MTOR: variants seen among roughly 807,000 people sequenced by gnomAD.
MTOR encodes the protein mechanistic target of rapamycin kinase, also known as serine/threonine-protein kinase mTOR.
In MTOR, 70 loss-of-function variants were observed where a neutral mutation model predicts 319.8. The ratio of observed to expected loss-of-function variants is 0.22; its 90% CI spans 0.18 to 0.27. The LOEUF is 0.27. Among genes scored for constraint, MTOR ranks in the 10% least tolerant of loss-of-function variants. MTOR has a pLI of 1.00. For synonymous variants in MTOR, 1,183 were observed against 1,211.4 expected (o/e 0.98, Z 0.49); for missense variants, 1,890 against 3,274.4 (o/e 0.58, Z 10.32).
At chr1:11,178,421 TA>T (rs1413811366) in intron 28 of MTOR, among the ~76,000 whole-genome samples, 1 of 152,172 alleles carries the variant, frequency 6.6e-6, no homozygotes, top group East Asian at 1.9e-4. Context: ...AGGCGTGTTG[TA>T]AAAATGATGA....
chr1:11,253,097 G>A (rs1034596251), intron 6 of MTOR, among the ~76,000 whole-genome samples: 3 of 152,166 alleles, frequency 2.0e-5, no homozygotes, highest in African/African-American at 7.2e-5. Flanking sequence ...CGGTGGCCCT[G>A]CAGAGTAGGC....
chr1:11,111,257 T>C, intron 54 of MTOR: 1 of 421,838 alleles, frequency 2.4e-6, no homozygotes, highest in South Asian at 1.7e-5. Flanking sequence ...GGCGGGCAGA[T>C]CACTTGAGGT....
rs1557755105 is a variant in MTOR, at chr1:11,128,984, T to A, written c.5715-33A>T. On this transcript the variant is annotated intron_variant, in intron 40 of 57. Coordinates refer to ENST00000361445, the MANE Select transcript of MTOR (RefSeq NM_004958.4). This position sits in a 1 kb window ranked among gnomAD's most constrained non-coding sequence, Gnocchi z 5.3. ...AGAAATGAGAAAGTCACAGAAAATTTAGTTTCCCAGTTTTTGCCTGCCTGT... is the reference window on the plus strand; with the variant it reads ...AGAAATGAGAAAGTCACAGAAAATTAAGTTTCCCAGTTTTTGCCTGCCTGT... 3 of 1,588,340 alleles carry A rather than the reference T, an allele frequency of 1.9e-6. No homozygotes were observed. The highest frequency in any genetic ancestry group is 1.3e-5 in the African/African-American group (1 of 74,608).
intron 36 of MTOR, 69 bp downstream of exon 36, chr1:11,139,235 G>C: frequency 6.5e-7 from 1 of 1,528,474 alleles, no homozygotes; most frequent in Non-Finnish European, 8.8e-7. Flanking sequence ...CCTTAAAGAG[G>C]CAGAGCGAAG....
chr1:11,141,235 C>T (rs1258320578), intron 34 of MTOR, among the ~76,000 whole-genome samples: 4 of 152,122 alleles, frequency 2.6e-5, no homozygotes, highest in Non-Finnish European at 4.4e-5. Flanking sequence ...CCCGCCTCAA[C>T]CTCCTGAGTA....
chr1:11,231,192 G>C, intron 17 of MTOR, 108 bp downstream of exon 17: 1 of 1,581,342 alleles, frequency 6.3e-7, no homozygotes, highest in South Asian at 1.2e-5. Flanking sequence ...ATTGGAGAGG[G>C]ACAGGAAGTC....
chr1:11,165,624 G>A (rs1442001633), intron 29 of MTOR, among the ~76,000 whole-genome samples: 2 of 152,144 alleles, frequency 1.3e-5, no homozygotes, highest in Non-Finnish European at 2.9e-5. Flanking sequence ...AACATTCCAT[G>A]CTCATGGATA....
intron 30 of MTOR, among the ~76,000 whole-genome samples, chr1:11,151,004 T>C (rs1441885401): frequency 6.6e-6 from 1 of 152,186 alleles, no homozygotes; most frequent in Non-Finnish European, 1.5e-5. Flanking sequence ...TTTCCTGCTT[T>C]CTGAAAGACA....
chr1:11,107,091 G>A lies in MTOR; in HGVS notation c.*394C>T, dbSNP rs371023278. 1.1e-4 allele frequency: 157 copies of A among 1,374,070 alleles called. 1 individual carries two copies. Among genetic ancestry groups the A allele is most frequent in the African/African-American group, 8.6e-4 (60 of 69,992 alleles). The allele number at this position is 1,374,070 out of a possible 1,614,324, so 85.1% of individuals were successfully genotyped here. On this transcript the variant is annotated 3_prime_UTR_variant, in exon 58 of 58. Transcript: ENST00000361445. ...CCACGACCTGAGGCTTCTTGGCTGTGCTGAGTTTGCTGTACCCATGTTGAG... is the reference window on the plus strand; with the variant it reads ...CCACGACCTGAGGCTTCTTGGCTGTACTGAGTTTGCTGTACCCATGTTGAG...
intron 46 of MTOR, among the ~76,000 whole-genome samples, chr1:11,124,947 C>T (rs1172195731): frequency 6.6e-6 from 1 of 152,218 alleles, no homozygotes; most frequent in Non-Finnish European, 1.5e-5. Flanking sequence ...AGCCTGACTC[C>T]TACAAGCCGC....
chr1:11,247,519 G>T, intron 8 of MTOR, 106 bp downstream of exon 8: 1 of 930,344 alleles, frequency 1.1e-6, no homozygotes, highest in Non-Finnish European at 1.7e-6. Context: ...AGAAATCAGA[G>T]ATTTGTTGGC....
At chr1:11,184,673 G>C (rs1158323290) in intron 28 of MTOR, among the ~76,000 whole-genome samples, 3 of 152,084 alleles carry the variant, frequency 2.0e-5, no homozygotes, top group African/African-American at 7.2e-5. Context: ...CCAGGTTTCA[G>C]TAAGCTATAT....
chr1:11,252,248 T>C (rs1392165183), intron 6 of MTOR, among the ~76,000 whole-genome samples: 5 of 152,212 alleles, frequency 3.3e-5, no homozygotes, highest in Non-Finnish European at 5.9e-5. Flanking sequence ...AAAATTTGTA[T>C]TATCTTTAAA....
At chr1:11,131,047 A>C (rs936605613) in intron 38 of MTOR, 13 of 530,402 alleles carry the variant, frequency 2.5e-5, no homozygotes, top group African/African-American at 2.3e-4. Flanking sequence ...GCCTCAAGGG[A>C]TCTCCCGGCC....
chr1:11,235,148 T>G (rs1647156671), intron 13 of MTOR, among the ~76,000 whole-genome samples: 1 of 152,166 alleles, frequency 6.6e-6, no homozygotes, highest in Non-Finnish European at 1.5e-5. Context: ...AGAATAGACC[T>G]GCAGCACCAA....
intron 53 of MTOR, 111 bp from the exon 54 acceptor site, chr1:11,113,028 CAA>C: frequency 1.8e-6 from 2 of 1,133,730 alleles, no homozygotes; most frequent in Non-Finnish European, 2.6e-6. Flanking sequence ...GCTATAGCCC[CAA>C]AAAAAGAGAT....
rs745905336 is a variant in MTOR at position 11,127,054 on chromosome 1, G to C, written c.6307C>G (p.Leu2103Val). ...NVKDLTQAWD[L>V]YYHVFRRISK... ...ATTCGTCGGAACACATGATAATAGA[G>C]GTCCCAGGCTTGGGTGAGGTCCTTG... Residue 2103 changes from leucine (L) to valine (V), a missense_variant, in exon 45 of 58, where the codon CTC becomes GTC. Leu to Val is a conservative substitution (Grantham distance 32, BLOSUM62 1). Transcript: ENST00000361445. The surrounding 1 kb of genome is among the most constrained non-coding windows in gnomAD (Gnocchi z 5.5). 1.2e-6 allele frequency: 2 copies of C among 1,614,172 alleles called. No individual in the cohort carries two copies. The highest frequency in any genetic ancestry group is 1.7e-6 in the Non-Finnish European group (2 of 1,180,032).
chr1:11,150,240 AT>A lies in MTOR; in HGVS notation c.4470-15del. 1 of 1,607,130 alleles carries A rather than the reference AT, an allele frequency of 6.2e-7. No homozygotes were observed. Among genetic ancestry groups the A allele is most frequent in the Non-Finnish European group, 8.5e-7 (1 of 1,175,216 alleles). On this transcript the variant is annotated splice_polypyrimidine_tract_variant and intron_variant, in intron 30 of 57. Coordinates refer to ENST00000361445, the MANE Select transcript of MTOR (RefSeq NM_004958.4). Reference sequence around the variant, plus strand: ...TGGAGTTGACCCCTGAAGAAAATGAATTATATAGTCAGATTAATCCAAATCT... The same window carrying A: ...TGGAGTTGACCCCTGAAGAAAATGAATATATAGTCAGATTAATCCAAATCT...
rs1025563088 is a variant in MTOR, at chr1:11,113,012, C to T, written c.7301-95G>A. 39 of 1,334,654 alleles carry T rather than the reference C, an allele frequency of 2.9e-5. No individual in the cohort carries two copies. In the African/African-American group the frequency reaches 4.1e-4, roughly 14 times the overall value. 82.7% of individuals were successfully genotyped at this position (1,334,654 alleles called of 1,614,324 possible). On this transcript the variant is annotated intron_variant, in intron 53 of 57. Transcript: ENST00000361445. ...TTCCAGTCATAAAAATATAATTGTT[C>T]GTAAAGCTATAGCCCCAAAAAAAGA...
Sources: allele counts gnomAD v4.1 joint callset (sites outside exome capture counted in the v4.1 genomes callset), GRCh38; gene constraint gnomAD v4.1.1; non-coding constraint Gnocchi (gnomAD v3.1); transcripts MANE v1.5; gene names NCBI Gene and HGNC (gene_info 2026-07-23, HGNC 2026-07-21).